Variants in VAPA observed in about 807,000 individuals in gnomAD.
The protein encoded by VAPA is vesicle-associated membrane protein-associated protein A.
VAPA carries 6 observed loss-of-function variants against 25.6 expected under a neutral mutation model. That is an observed-to-expected ratio of 0.23 (90% CI 0.13 to 0.46). The LOEUF (loss-of-function observed/expected upper bound fraction) is 0.46, where lower values mean the gene tolerates loss of function less well. Ranked by LOEUF, VAPA falls within the 20% of genes least tolerant of loss-of-function variation. The pLI is 0.99. For missense variants in VAPA, 244 were observed against 302.1 expected, an observed-to-expected ratio of 0.81 and a Z score of 1.43; for synonymous variants, 112 against 106.2, an observed-to-expected ratio of 1.05 and a Z score of -0.34.
At chr18:9,919,670 T>A (rs1429105497) in intron 1 of VAPA, among the ~76,000 whole-genome samples, 1 of 152,172 alleles carries the variant, frequency 6.6e-6, no homozygotes, top group Non-Finnish European at 1.5e-5. Flanking sequence ...TTTACCATAC[T>A]GAAAGAGGTC....
At chr18:9,932,177 T>C (rs1471312651) in intron 2 of VAPA, among the ~76,000 whole-genome samples, 2 of 152,182 alleles carry the variant, frequency 1.3e-5, no homozygotes, top group African/African-American at 4.8e-5. Context: ...TATAAGAAAT[T>C]ATTGTCAATT....
chr18:9,914,053 G>C lies in VAPA; in HGVS notation c.-204G>C. The C allele has an allele frequency of 2.0e-6, 1 of 502,228 alleles. No individual in the cohort carries two copies. Among genetic ancestry groups the C allele is most frequent in the South Asian group, 2.5e-5 (1 of 40,662 alleles). 31.1% of individuals were successfully genotyped at this position (502,228 alleles called of 1,614,324 possible). On this transcript the variant is annotated 5_prime_UTR_variant, in exon 1 of 6. Transcript: ENST00000400000. ...TGCGCGTGGCCGTGGCGGCTGGTGT[G>C]GGGTTGAGTCAGTTGTGGGACCCGG...
At chr18:9,916,823 A>G (rs999706439) in intron 1 of VAPA, among the ~76,000 whole-genome samples, 5 of 152,296 alleles carry the variant, frequency 3.3e-5, no homozygotes, top group Admixed American at 2.0e-4. Flanking sequence ...ATTCTTTGTC[A>G]TCTTCTAGTA....
At chr18:9,922,674 A>G (rs1028970231) in intron 1 of VAPA, among the ~76,000 whole-genome samples, 8 of 152,006 alleles carry the variant, frequency 5.3e-5, no homozygotes, top group Admixed American at 5.2e-4. Context: ...GGGAGACAAA[A>G]CAGTGGCTAA....
intron 4 of VAPA, among the ~76,000 whole-genome samples, chr18:9,944,513 A>G (rs1366480187): frequency 6.6e-6 from 1 of 152,194 alleles, no homozygotes; most frequent in Non-Finnish European, 1.5e-5. Flanking sequence ...GAGGTTTATG[A>G]AATTGTTCAG....
chr18:9,926,872 T>C (rs2069204480), intron 1 of VAPA, among the ~76,000 whole-genome samples: 1 of 152,272 alleles, frequency 6.6e-6, no homozygotes, highest in Admixed American at 6.5e-5. Context: ...CCAGGACTAC[T>C]TCTTGCAAGA....
intron 1 of VAPA, among the ~76,000 whole-genome samples, chr18:9,926,117 C>T (rs1237018419): frequency 6.6e-6 from 1 of 152,066 alleles, no homozygotes; most frequent in Admixed American, 6.6e-5. Flanking sequence ...TAACATAGTT[C>T]ATACAAAGTT....
chr18:9,953,669 G>A (rs1348131317), intron 5 of VAPA, among the ~76,000 whole-genome samples: 2 of 152,144 alleles, frequency 1.3e-5, no homozygotes, highest in East Asian at 3.8e-4. Context: ...CACCTTGGAA[G>A]TACTCTTCTT....
chr18:9,956,904 TC>T lies in VAPA; in HGVS notation c.*2698del, dbSNP rs1401201158. 1 of 152,070 alleles carries T rather than the reference TC, an allele frequency of 6.6e-6. No individual in the cohort carries two copies. 9.4% of individuals were successfully genotyped at this position (152,070 alleles called of 1,614,324 possible). A position where few individuals can be genotyped will look rare whatever the true frequency, so the allele number is the denominator to read the frequency against. On this transcript the variant is annotated 3_prime_UTR_variant, in exon 6 of 6. Coordinates refer to ENST00000400000, the MANE Select transcript of VAPA (RefSeq NM_194434.3). ...GTTCTATAACTAATGTACCTTAACTTCCCCCATTCTTATATTTACAAGAAGC... is the reference window on the plus strand; with the variant it reads ...GTTCTATAACTAATGTACCTTAACTTCCCCATTCTTATATTTACAAGAAGC...
intron 4 of VAPA, chr18:9,949,172 G>A (rs888227270): frequency 1.3e-5 from 2 of 152,140 alleles, no homozygotes; most frequent in Non-Finnish European, 2.9e-5. Context: ...AGATTGGTTG[G>A]GGTGGGAGAA....
chr18:9,946,302 CT>C (rs990714801), intron 4 of VAPA, among the ~76,000 whole-genome samples: 1 of 152,158 alleles, frequency 6.6e-6, no homozygotes, highest in African/African-American at 2.4e-5. Context: ...AGGCTACAGA[CT>C]TGTATAGCCT....
At chr18:9,938,487 GC>G (rs2069334035) in intron 4 of VAPA, among the ~76,000 whole-genome samples, 1 of 152,170 alleles carries the variant, frequency 6.6e-6, no homozygotes. Context: ...TATTGGTCTA[GC>G]CCATAGTTAT....
chr18:9,945,890 T>C (rs1457769783), intron 4 of VAPA, among the ~76,000 whole-genome samples: 1 of 152,210 alleles, frequency 6.6e-6, no homozygotes, highest in Non-Finnish European at 1.5e-5. Context: ...TCTTAATTCA[T>C]AGGTTAAGAC....
chr18:9,914,079 A>G lies in VAPA; in HGVS notation c.-178A>G. 1.9e-6 allele frequency: 1 copy of G among 533,764 alleles called. No individual in the cohort carries two copies. Among genetic ancestry groups the G allele is most frequent in the South Asian group, 2.3e-5 (1 of 43,630 alleles). The allele number at this position is 533,764 out of a possible 1,614,324, so 33.1% of individuals were successfully genotyped here. The stretch of plus-strand genomic sequence containing the variant: ...GGGTTGAGTCAGTTGTGGGACCCGG[A>G]GCTGCTGACCCAGCGGGTGGCCCAC... On this transcript the variant is annotated 5_prime_UTR_variant, in exon 1 of 6. Transcript: ENST00000400000.
chr18:9,954,773 C>T lies in VAPA; in HGVS notation c.*562C>T, dbSNP rs2069528960. The T allele has an allele frequency of 6.6e-6, 1 of 152,560 alleles. No individual in the cohort carries two copies. Among genetic ancestry groups the T allele is most frequent in the Admixed American group, 6.5e-5 (1 of 15,278 alleles). 9.5% of individuals were successfully genotyped at this position (152,560 alleles called of 1,614,324 possible). A position where few individuals can be genotyped will look rare whatever the true frequency, so the allele number is the denominator to read the frequency against. ...AGTTTTTCATCCTTACAATCCTGTC[C>T]CATGGTATTTAACATAAAAAAAAAT... On this transcript the variant is annotated 3_prime_UTR_variant, in exon 6 of 6. Transcript: ENST00000400000.
chr18:9,917,493 C>T (rs1453915352), intron 1 of VAPA, among the ~76,000 whole-genome samples: 2 of 152,144 alleles, frequency 1.3e-5, no homozygotes, highest in Non-Finnish European at 2.9e-5. Flanking sequence ...TTTTGCCAGG[C>T]TGGCCTCGAA....
chr18:9,948,798 C>G (rs1161536406), intron 4 of VAPA: 1 of 152,420 alleles, frequency 6.6e-6, no homozygotes, highest in Non-Finnish European at 1.5e-5. Context: ...CTCCTGGGCT[C>G]AAGCAGGCCA....
At chr18:9,950,678 T>C in intron 5 of VAPA, 110 bp downstream of exon 5, 1 of 1,192,826 alleles carries the variant, frequency 8.4e-7, no homozygotes, top group Non-Finnish European at 1.2e-6. Context: ...GGTCAGTTCT[T>C]TCTTCTTTGC....
chr18:9,929,348 T>C (rs2069230157), intron 1 of VAPA, among the ~76,000 whole-genome samples: 1 of 152,122 alleles, frequency 6.6e-6, no homozygotes, highest in South Asian at 2.1e-4. Flanking sequence ...TAAAGGGTTA[T>C]GTTTGTAGCA....
Sources: gnomAD v4.1 joint callset for allele counts (sites outside exome capture counted in the v4.1 genomes callset) on GRCh38, gnomAD v4.1.1 for gene constraint, MANE v1.5 for transcripts, NCBI Gene and HGNC (gene_info 2026-07-23, HGNC 2026-07-21) for gene names.